Variants in PCSK5 observed in about 807,000 individuals in gnomAD.
The protein encoded by PCSK5 is proprotein convertase subtilisin/kexin type 5.
Under a neutral mutation model 233.2 loss-of-function variants are expected in PCSK5, and 129 were observed. The observed-to-expected ratio is 0.55, with a 90% CI of 0.48 to 0.64. PCSK5 has a LOEUF of 0.64. Ranked by LOEUF, PCSK5 falls within the 30% of genes least tolerant of loss-of-function variation. The pLI is 0.00. For missense variants in PCSK5, 2,076 were observed against 2,430.1 expected, an observed-to-expected ratio of 0.85 and a Z score of 3.06; for synonymous variants, 825 against 879.2, an observed-to-expected ratio of 0.94 and a Z score of 1.09.
intron 22 of PCSK5, among the ~76,000 whole-genome samples, chr9:76,238,398 G>A (rs909660801): frequency 5.3e-5 from 8 of 152,306 alleles, no homozygotes; most frequent in African/African-American, 1.9e-4. Context: ...AAGAGTCAAA[G>A]AAGTGTGCTT....
intron 31 of PCSK5, among the ~76,000 whole-genome samples, chr9:76,322,393 T>G (rs1161640117): frequency 6.6e-6 from 1 of 152,196 alleles, no homozygotes; most frequent in Non-Finnish European, 1.5e-5. Context: ...TGGCTGTGAA[T>G]GAATTTTGTT....
At chr9:76,060,560 G>A (rs2131579114) in intron 5 of PCSK5, among the ~76,000 whole-genome samples, 1 of 152,166 alleles carries the variant, frequency 6.6e-6, no homozygotes. Context: ...GTGCTGTTCA[G>A]GGTTCAACTG....
intron 10 of PCSK5, among the ~76,000 whole-genome samples, chr9:76,156,417 T>A (rs1432118326): frequency 6.6e-6 from 1 of 152,240 alleles, no homozygotes; most frequent in African/African-American, 2.4e-5. Context: ...ATAAATTTTG[T>A]ATATGCTAGA....
intron 7 of PCSK5, among the ~76,000 whole-genome samples, chr9:76,073,729 A>G (rs899992291): frequency 2.0e-5 from 3 of 152,262 alleles, no homozygotes; most frequent in East Asian, 3.9e-4. Context: ...GCATATATAT[A>G]TATAAAGAAT....
intron 21 of PCSK5, 112 bp downstream of exon 21, chr9:76,227,717 C>G: frequency 4.3e-6 from 3 of 692,526 alleles, no homozygotes; most frequent in Non-Finnish European, 7.6e-6. Flanking sequence ...GAAAAAGAAG[C>G]AAACTCTTTC....
intron 3 of PCSK5, among the ~76,000 whole-genome samples, chr9:76,001,199 C>A (rs2131427852): frequency 6.6e-6 from 1 of 152,254 alleles, no homozygotes; most frequent in South Asian, 2.1e-4. Flanking sequence ...ACAACACTCT[C>A]TTAGAATGAC....
intron 1 of PCSK5, among the ~76,000 whole-genome samples, chr9:75,895,933 T>G (rs1400081277): frequency 6.6e-6 from 1 of 152,188 alleles, no homozygotes; most frequent in Non-Finnish European, 1.5e-5. Flanking sequence ...TGGGTGCTTA[T>G]GGATAGTCCT....
intron 10 of PCSK5, among the ~76,000 whole-genome samples, chr9:76,138,970 AT>A (rs5898453): frequency 0.38 from 56,583 of 148,592 alleles, 11,416 homozygotes; most frequent in East Asian, 0.6. Flanking sequence ...AAACTACTAG[AT>A]TTTTTTTTTT....
At chr9:76,040,399 C>CTGTCTG (rs199882078) in intron 5 of PCSK5, among the ~76,000 whole-genome samples, 5 of 130,618 alleles carry the variant, frequency 3.8e-5, no homozygotes, top group Non-Finnish European at 8.1e-5. Flanking sequence ...CTCTCTCTCT[C>CTGTCTG]TCTCTCTCTC....
intron 24 of PCSK5, among the ~76,000 whole-genome samples, chr9:76,259,318 T>C (rs533820932): frequency 3.3e-5 from 5 of 152,172 alleles, no homozygotes; most frequent in Non-Finnish European, 7.3e-5. Flanking sequence ...GCACTAGCTA[T>C]TCCCTCTACT....
chr9:76,002,552 T>G (rs906472979), intron 3 of PCSK5, among the ~76,000 whole-genome samples: 1 of 152,214 alleles, frequency 6.6e-6, no homozygotes, highest in African/African-American at 2.4e-5. Flanking sequence ...GACTTTGTTA[T>G]CCTAATATGC....
Position 76,332,353 on chromosome 9 carries a change from C to CA in PCSK5, c.4571-79dup, listed in dbSNP as rs1359017597. The CA allele has an allele frequency of 5.8e-6, 6 of 1,029,892 alleles. No homozygotes were observed. The East Asian group carries it at 1.2e-4, about 21-fold the overall frequency. 63.8% of individuals were successfully genotyped at this position (1,029,892 alleles called of 1,614,324 possible). A position where few individuals can be genotyped will look rare whatever the true frequency, so the allele number is the denominator to read the frequency against. On this transcript the variant is annotated intron_variant, in intron 33 of 37. Coordinates refer to ENST00000674117, the MANE Select transcript of PCSK5 (RefSeq NM_001372043.1). ...CCTGCAGCCCTCTCCTCCCTCCCGCCATGGTACACAAGAGGGAAAATACAG... is the reference window on the plus strand; with the variant it reads ...CCTGCAGCCCTCTCCTCCCTCCCGCCAATGGTACACAAGAGGGAAAATACAG...
intron 13 of PCSK5, among the ~76,000 whole-genome samples, chr9:76,170,503 C>T (rs1823285631): frequency 6.6e-6 from 1 of 152,308 alleles, no homozygotes; most frequent in East Asian, 1.9e-4. Flanking sequence ...AAGTACAAGG[C>T]AACATGGGGT....
chr9:76,041,644 A>C (rs533769683), intron 5 of PCSK5, among the ~76,000 whole-genome samples: 1 of 152,194 alleles, frequency 6.6e-6, no homozygotes, highest in South Asian at 2.1e-4. Context: ...GATCAAGACA[A>C]TCCTGGCCAA....
intron 15 of PCSK5, among the ~76,000 whole-genome samples, chr9:76,180,811 G>C (rs1022023839): frequency 6.6e-6 from 1 of 152,046 alleles, no homozygotes; most frequent in African/African-American, 2.4e-5. Flanking sequence ...TTAGCAACAT[G>C]CCTGATATTT....
At chr9:76,100,399 T>G (rs1249757831) in intron 8 of PCSK5, among the ~76,000 whole-genome samples, 1 of 152,288 alleles carries the variant, frequency 6.6e-6, no homozygotes, top group Non-Finnish European at 1.5e-5. Context: ...CCTGACACTG[T>G]GCTATGCACA....
At chr9:76,145,596 C>G (rs1003706494) in intron 10 of PCSK5, among the ~76,000 whole-genome samples, 2 of 152,202 alleles carry the variant, frequency 1.3e-5, no homozygotes, top group Non-Finnish European at 2.9e-5. Flanking sequence ...AGTTTGGATT[C>G]TGGCATCAGA....
intron 5 of PCSK5, among the ~76,000 whole-genome samples, chr9:76,047,866 TGTATC>T (rs1829478753): frequency 2.0e-5 from 3 of 152,196 alleles, no homozygotes; most frequent in African/African-American, 4.8e-5. Flanking sequence ...TAGTCATTCT[TGTATC>T]AAACAAAAAT....
At chr9:76,220,436 A>G (rs1198990077) in intron 20 of PCSK5, among the ~76,000 whole-genome samples, 2 of 151,202 alleles carry the variant, frequency 1.3e-5, no homozygotes, top group African/African-American at 2.4e-5. Context: ...CTGAGGAAGG[A>G]GAATGGCTTG....
Sources: gnomAD v4.1 joint callset for allele counts (sites outside exome capture counted in the v4.1 genomes callset) on GRCh38, gnomAD v4.1.1 for gene constraint, MANE v1.5 for transcripts, NCBI Gene and HGNC (gene_info 2026-07-23, HGNC 2026-07-21) for gene names.